MACIR: variants seen among roughly 807,000 people sequenced by gnomAD.
MACIR encodes UNC119-binding protein C5orf30.
MACIR carries 4 observed loss-of-function variants against 14.3 expected under a neutral mutation model. That is an observed-to-expected ratio of 0.28 (90% confidence interval 0.14 to 0.64). The LOEUF is 0.64. Among genes scored for constraint, MACIR ranks in the 30% least tolerant of loss-of-function variants. MACIR has a pLI of 0.83. For synonymous variants in MACIR, 101 were observed against 102.4 expected (o/e 0.99, Z 0.08); for missense variants, 228 against 257.6 (o/e 0.89, Z 0.79).
At position 103,275,973 on chromosome 5, in the gene MACIR, C is replaced by T. The variant is rs1053074462; in HGVS notation, c.54C>T (p.Phe18=). The change falls in exon 3 of 3, where the codon TTC becomes TTT. Residue 18 remains phenylalanine, a synonymous_variant. Transcript: ENST00000319933. Reference sequence around the variant, plus strand: ...GAAGTACCCTGACCACCTTGCCCTTCCCTGGGGCTGAGGCCAACTCCCCGG... The same window carrying T: ...GAAGTACCCTGACCACCTTGCCCTTTCCTGGGGCTGAGGCCAACTCCCCGG... ...ESRSTLTTLP[F]PGAEANSPGK... is the part of the protein sequence containing the mutation. The T allele has an allele frequency of 1.2e-5, 20 of 1,613,886 alleles. No individual in the cohort carries two copies. The Admixed American group carries it at 1.5e-4, about 12-fold the overall frequency.
At chr5:103,262,808 C>A (rs1580565083) in intron 1 of MACIR, among the ~76,000 whole-genome samples, 1 of 152,126 alleles carries the variant, frequency 6.6e-6, no homozygotes, top group African/African-American at 2.4e-5. Context: ...CTATTTACTT[C>A]AGTCTTTGTT....
intron 2 of MACIR, among the ~76,000 whole-genome samples, chr5:103,270,262 T>C (rs1487431327): frequency 6.6e-6 from 1 of 152,216 alleles, no homozygotes; most frequent in East Asian, 1.9e-4. Context: ...TATAAAAATC[T>C]AAAAAGTACA....
Position 103,276,191 on chromosome 5 carries a change from T to TA in MACIR, c.273dup (p.Arg92ThrfsTer17), listed in dbSNP as rs781824929. 6.2e-7 allele frequency: 1 copy of TA among 1,613,728 alleles called. No individual in the cohort carries two copies. Among genetic ancestry groups the TA allele is most frequent in the Non-Finnish European group, 8.5e-7 (1 of 1,179,926 alleles). On this transcript the variant is annotated frameshift_variant, in exon 3 of 3. Transcript: ENST00000319933. LOFTEE classifies it high-confidence loss of function. ...AGCAAAGCAGAAGCCATGCCATCCTTACGCTCCAAACAGCTAGATGCAGGA... is the reference window on the plus strand; with the variant it reads ...AGCAAAGCAGAAGCCATGCCATCCTTAACGCTCCAAACAGCTAGATGCAGGA...
intron 2 of MACIR, among the ~76,000 whole-genome samples, chr5:103,268,465 TA>T (rs1554236884): frequency 6.6e-6 from 1 of 152,184 alleles, no homozygotes; most frequent in Non-Finnish European, 1.5e-5. Flanking sequence ...GGTAGGTTGT[TA>T]GCAATTATAA....
chr5:103,261,705 C>T (rs200474389), intron 1 of MACIR, among the ~76,000 whole-genome samples: 10,116 of 56,980 alleles, frequency 0.18, 634 homozygotes, highest in Middle Eastern at 0.22. Context: ...TTTCTTTCTT[C>T]CTTTCTTTCT....
intron 2 of MACIR, among the ~76,000 whole-genome samples, chr5:103,275,528 T>A (rs1417467930): frequency 6.6e-6 from 1 of 152,252 alleles, no homozygotes; most frequent in South Asian, 2.1e-4. Context: ...ATGGCTTTCA[T>A]TTGCTTAATG....
intron 1 of MACIR, among the ~76,000 whole-genome samples, chr5:103,263,604 TAAAA>T (rs568247675): frequency 2.9e-4 from 44 of 152,148 alleles, no homozygotes; most frequent in Non-Finnish European, 5.9e-4. Flanking sequence ...TTTAAAAGCT[TAAAA>T]AGAAGAATAT....
At chr5:103,261,186 T>C (rs538584228) in intron 1 of MACIR, among the ~76,000 whole-genome samples, 2 of 152,222 alleles carry the variant, frequency 1.3e-5, no homozygotes, top group African/African-American at 4.8e-5. Flanking sequence ...CATTTTTGTC[T>C]TACTGAACGA....
intron 2 of MACIR, among the ~76,000 whole-genome samples, chr5:103,266,310 C>T (rs1404434940): frequency 6.6e-6 from 1 of 152,056 alleles, no homozygotes; most frequent in African/African-American, 2.4e-5. Flanking sequence ...TTAGAGGTAA[C>T]TGTTCCAATT....
At chr5:103,272,470 C>T (rs1184776440) in intron 2 of MACIR, among the ~76,000 whole-genome samples, 2 of 151,844 alleles carry the variant, frequency 1.3e-5, no homozygotes, top group Non-Finnish European at 2.9e-5. Context: ...ATAACCTGAG[C>T]AAGTTGATTC....
chr5:103,260,969 T>C (rs1443832457), intron 1 of MACIR, among the ~76,000 whole-genome samples: 10 of 152,258 alleles, frequency 6.6e-5, no homozygotes, highest in Non-Finnish European at 1.3e-4. Context: ...TTGTAAAGGC[T>C]GCATGTTGAC....
chr5:103,272,186 C>A (rs1248630468), intron 2 of MACIR, among the ~76,000 whole-genome samples: 1 of 152,104 alleles, frequency 6.6e-6, no homozygotes, highest in Non-Finnish European at 1.5e-5. Context: ...CAGTTTTTTT[C>A]ATGGTAAAAC....
intron 1 of MACIR, among the ~76,000 whole-genome samples, chr5:103,264,885 A>C (rs1408632550): frequency 6.6e-6 from 1 of 152,114 alleles, no homozygotes; most frequent in Non-Finnish European, 1.5e-5. Flanking sequence ...TTGTTTGATA[A>C]GGTATTGTAC....
At chr5:103,261,947 G>A (rs1804745375) in intron 1 of MACIR, among the ~76,000 whole-genome samples, 1 of 151,958 alleles carries the variant, frequency 6.6e-6, no homozygotes, top group Admixed American at 6.6e-5. Context: ...ATAGTCTTAT[G>A]ATTTGTGATC....
chr5:103,276,514 C>T lies in MACIR; in HGVS notation c.595C>T (p.Arg199Cys), dbSNP rs782165968. Reference protein sequence around the residue: ...QLQHLTLRGDRVFARNNT With the variant: ...QLQHLTLRGDCVFARNNT ...TCAACACCTAACCCTCCGAGGGGAC[C>T]GTGTGTTTGCTAGGAATAATACATG... Residue 199 changes from arginine to cysteine, a missense_variant, in exon 3 of 3, where the codon CGT (arginine) becomes TGT (cysteine). Transcript: ENST00000319933. The T allele has an allele frequency of 5.0e-6, 8 of 1,611,090 alleles. No individual in the cohort carries two copies. Among genetic ancestry groups the T allele is most frequent in the African/African-American group, 1.3e-5 (1 of 74,654 alleles).
At position 103,276,198 on chromosome 5, in the gene MACIR, C is replaced by T. The variant is rs1554237684; in HGVS notation, c.279C>T (p.Ser93=). The change falls in exon 3 of 3, where the codon TCC becomes TCT. Residue 93 remains serine (S), a synonymous_variant. Coordinates refer to ENST00000319933, the MANE Select transcript of MACIR (RefSeq NM_033211.4). ...CAGAAGCCATGCCATCCTTACGCTC[C>T]AAACAGCTAGATGCAGGACTTGCCC... The part of the protein sequence containing the change: ...SKAEAMPSLR[S]KQLDAGLARS... 1.9e-6 allele frequency: 3 copies of T among 1,613,550 alleles called. No individual in the cohort carries two copies. The highest frequency in any genetic ancestry group is 4.5e-5 in the East Asian group (2 of 44,880).
intron 2 of MACIR, among the ~76,000 whole-genome samples, chr5:103,274,292 CT>C (rs1422265033): frequency 2.0e-5 from 3 of 151,770 alleles, no homozygotes; most frequent in Non-Finnish European, 4.4e-5. Flanking sequence ...ATCAGAGTAG[CT>C]GGTAGTCACC....
chr5:103,260,652 T>C (rs1275172946), intron 1 of MACIR, among the ~76,000 whole-genome samples: 3 of 152,270 alleles, frequency 2.0e-5, no homozygotes, highest in Non-Finnish European at 4.4e-5. Context: ...TGATATTATA[T>C]AACAGTCAAT....
rs572316417 is a variant in MACIR, at chr5:103,264,179, G to T, written c.-113-1729G>T. Among the ~76,000 whole-genome samples the T allele has an allele frequency of 2.6e-5, 4 of 152,182 alleles. No homozygotes were observed. In the South Asian group the frequency reaches 8.3e-4, roughly 32 times the overall value. On this transcript the variant is annotated intron_variant, in intron 1 of 2. Coordinates refer to ENST00000319933, the MANE Select transcript of MACIR (RefSeq NM_033211.4). ...CATGTTGTCTTATCATTGAACAGAGGCCAGAGTGTAAAGTAAATGATCTTT... is the reference window on the plus strand; with the variant it reads ...CATGTTGTCTTATCATTGAACAGAGTCCAGAGTGTAAAGTAAATGATCTTT...
Sources: allele counts gnomAD v4.1 joint callset (sites outside exome capture counted in the v4.1 genomes callset), GRCh38; gene constraint gnomAD v4.1.1; transcripts MANE v1.5; gene names NCBI Gene and HGNC (gene_info 2026-07-23, HGNC 2026-07-21).